Variants in SAR1A observed in about 807,000 individuals in gnomAD.
SAR1A encodes the protein secretion associated Ras related GTPase 1A, also known as small COPII coat GTPase SAR1A.
Under a neutral mutation model 22.6 loss-of-function variants are expected in SAR1A, and 6 were observed. The observed-to-expected ratio is 0.27, with a 90% CI of 0.15 to 0.52. SAR1A has a LOEUF of 0.52. Among genes scored for constraint, SAR1A ranks in the 20% least tolerant of loss-of-function variants. The pLI is 0.96. For synonymous variants in SAR1A, 70 were observed against 82.2 expected (o/e 0.85, Z 0.80); for missense variants, 145 against 245.1 (o/e 0.59, Z 2.73).
chr10:70,151,355 TAAAA>T lies in SAR1A; in HGVS notation c.*1117_*1120del, dbSNP rs1186474071. On this transcript the variant is annotated 3_prime_UTR_variant, in exon 7 of 7. Coordinates refer to ENST00000373241, the MANE Select transcript of SAR1A (RefSeq NM_020150.5). ...AATAGGTGTCAAAGGAGAAAAAATG[TAAAA>T]AAAAGAGCTCCCAAACAGCCTGAGA... is the stretch of plus-strand genomic sequence containing the variant. 1 of 135,490 alleles carries T rather than the reference TAAAA, an allele frequency of 7.4e-6. No individual in the cohort carries two copies. Among genetic ancestry groups the T allele is most frequent in the African/African-American group, 2.7e-5 (1 of 36,618 alleles). 8.4% of individuals were successfully genotyped at this position (135,490 alleles called of 1,614,324 possible). A position where few individuals can be genotyped will look rare whatever the true frequency, so the allele number is the denominator to read the frequency against.
chr10:70,152,350 C>T lies in SAR1A; in HGVS notation c.*126G>A, dbSNP rs1839336078. ...TGGGCAATGAGAGAGTTGACAGAGACTCTTGGCTTCTCAACGCCAGACATG... is the reference window on the plus strand; with the variant it reads ...TGGGCAATGAGAGAGTTGACAGAGATTCTTGGCTTCTCAACGCCAGACATG... On this transcript the variant is annotated 3_prime_UTR_variant, in exon 7 of 7. Coordinates refer to ENST00000373241, the MANE Select transcript of SAR1A (RefSeq NM_020150.5). 1 of 917,558 alleles carries T rather than the reference C, an allele frequency of 1.1e-6. No homozygotes were observed. Among genetic ancestry groups the T allele is most frequent in the Non-Finnish European group, 1.7e-6 (1 of 574,982 alleles). 56.8% of individuals were successfully genotyped at this position (917,558 alleles called of 1,614,324 possible).
intron 1 of SAR1A, chr10:70,163,018 G>A (rs1268151655): frequency 6.6e-6 from 1 of 152,160 alleles, no homozygotes. Flanking sequence ...TATTCTCCAA[G>A]TGAAAGTAAC....
rs1411266518 is a variant in SAR1A at position 70,151,162 on chromosome 10, A to G, written c.*1314T>C. On this transcript the variant is annotated 3_prime_UTR_variant, in exon 7 of 7. Coordinates refer to ENST00000373241, the MANE Select transcript of SAR1A (RefSeq NM_020150.5). ...CTTTTATACTGAGTCTTTACTGCCA[A>G]TAAGTGATGCTGCCTCCAAAGGAAC... 1 of 150,954 alleles carries G rather than the reference A, an allele frequency of 6.6e-6. No homozygotes were observed. Among genetic ancestry groups the G allele is most frequent in the Non-Finnish European group, 1.5e-5 (1 of 67,874 alleles). The allele number at this position is 150,954 out of a possible 1,614,324, so 9.4% of individuals were successfully genotyped here.
chr10:70,161,923 G>C lies in SAR1A; in HGVS notation c.-8C>G, dbSNP rs752090592. On this transcript the variant is annotated 5_prime_UTR_variant, in exon 2 of 7. Coordinates refer to ENST00000373241, the MANE Select transcript of SAR1A (RefSeq NM_020150.5). ...CTCAAAGATGAAAGACATTATTAATGCTTACTACCTGTATAAAATATGAAA... is the reference window on the plus strand; with the variant it reads ...CTCAAAGATGAAAGACATTATTAATCCTTACTACCTGTATAAAATATGAAA... The C allele has an allele frequency of 6.2e-7, 1 of 1,604,798 alleles. No individual in the cohort carries two copies. Among genetic ancestry groups the C allele is most frequent in the South Asian group, 1.1e-5 (1 of 90,790 alleles).
rs41315006 is a variant in SAR1A at position 70,161,728 on chromosome 10, C to T, written c.69G>A (p.Lys23=). The change falls in exon 3 of 7, where the codon AAG becomes AAA. Residue 23 remains lysine, a synonymous_variant. Coordinates refer to ENST00000373241, the MANE Select transcript of SAR1A (RefSeq NM_020150.5). ...CTAAGAATACAAGTTTTCCAGATTT[C>T]TTGTACAGTCCTAAAAGAGAAAAAA... is the stretch of plus-strand genomic sequence containing the variant. ...SSVLQFLGLY[K]KSGKLVFLGL... 2.8e-3 allele frequency: 4,477 copies of T among 1,613,904 alleles called. 10 individuals are homozygous for T. Among genetic ancestry groups the T allele is most frequent in the Middle Eastern group, 3.9e-3 (23 of 5,892 alleles).
intron 1 of SAR1A, among the ~76,000 whole-genome samples, chr10:70,162,390 AGGG>A: frequency 6.9e-6 from 1 of 144,986 alleles, no homozygotes; most frequent in Non-Finnish European, 1.5e-5. Context: ...GGAAAGGGAA[AGGG>A]AAAAGGAAAG....
At chr10:70,169,837 G>A (rs1839602499) in intron 1 of SAR1A, among the ~76,000 whole-genome samples, 1 of 152,198 alleles carries the variant, frequency 6.6e-6, no homozygotes. Flanking sequence ...ATGCACATAA[G>A]GAAATTTTTC....
chr10:70,163,570 AC>A (rs1176321665), intron 1 of SAR1A: 2 of 580,322 alleles, frequency 3.4e-6, no homozygotes, highest in Admixed American at 6.0e-5. Flanking sequence ...ATACTCATTT[AC>A]CATTTTGAAA....
intron 1 of SAR1A, chr10:70,162,926 G>A (rs943437942): frequency 6.6e-6 from 1 of 152,148 alleles, no homozygotes; most frequent in Non-Finnish European, 1.5e-5. Context: ...TAGTATAATT[G>A]TTTTGTTGTG....
intron 3 of SAR1A, 113 bp downstream of exon 3, chr10:70,161,506 G>A: frequency 2.3e-6 from 3 of 1,282,418 alleles, no homozygotes; most frequent in East Asian, 4.8e-5. Flanking sequence ...TCTCGTATGA[G>A]TTGGCTTTTG....
At chr10:70,161,285 C>T (rs766614340) in intron 3 of SAR1A, 1 of 548,196 alleles carries the variant, frequency 1.8e-6, no homozygotes, top group Non-Finnish European at 3.2e-6. Flanking sequence ...GGCAACGCCC[C>T]ACTCCCAACA....
chr10:70,152,674 A>G (rs747983348), intron 6 of SAR1A, 82 bp from the exon 7 acceptor site: 4 of 1,010,162 alleles, frequency 4.0e-6, no homozygotes, highest in Non-Finnish European at 6.3e-6. Flanking sequence ...CAATCATTTT[A>G]TCCATTCCTT....
chr10:70,155,853 C>A (rs889403734), intron 5 of SAR1A, among the ~76,000 whole-genome samples: 1 of 151,936 alleles, frequency 6.6e-6, no homozygotes, highest in African/African-American at 2.4e-5. Context: ...TCAAGGTAGG[C>A]AGTAAAAAGA....
rs190535489 is a variant in SAR1A at position 70,161,052 on chromosome 10, T to C, written c.196A>G (p.Ile66Val). Reference sequence around the variant, plus strand: ...AAAGTTGTAAAGGTCATTCCAGCAATTGTTAGCTCTTCTGATGCTGAAAAA... The same window carrying C: ...AAAGTTGTAAAGGTCATTCCAGCAACTGTTAGCTCTTCTGATGCTGAAAAA... ...TLHPTSEELT[I>V]AGMTFTTFDL... The change falls in exon 4 of 7, where the codon ATT becomes GTT. Residue 66 changes from isoleucine (I) to valine (V), a missense_variant. Physicochemically the swap from Ile to Val is conservative, Grantham distance 29. Around this residue, in one of 3 missense-constraint regions of SAR1A, gnomAD observed 40 missense variants for 105.7 expected, o/e 0.38. Coordinates refer to ENST00000373241, the MANE Select transcript of SAR1A (RefSeq NM_020150.5). The C allele has an allele frequency of 1.6e-5, 25 of 1,612,184 alleles. No homozygotes were observed. The East Asian group carries it at 2.5e-4, about 16-fold the overall frequency.
intron 1 of SAR1A, chr10:70,167,628 GA>G (rs1839570753): frequency 6.6e-6 from 1 of 150,726 alleles, no homozygotes; most frequent in East Asian, 1.9e-4. Flanking sequence ...AGAGTAAATT[GA>G]AAAGTAGAGC....
chr10:70,156,388 T>G (rs369742613), intron 5 of SAR1A, among the ~76,000 whole-genome samples: 1 of 152,086 alleles, frequency 6.6e-6, no homozygotes, highest in Non-Finnish European at 1.5e-5. Flanking sequence ...ATGGAGACCA[T>G]GCATGGTGGC....
rs1839337090 is a variant in SAR1A at position 70,152,444 on chromosome 10, A to C, written c.*32T>G. On this transcript the variant is annotated 3_prime_UTR_variant, in exon 7 of 7. Transcript: ENST00000373241. ...GCTGTGAATAGGATCAGTCCAGAGAAGTAAAACTCTTTTATTTTCACCGTC... is the reference window on the plus strand; with the variant it reads ...GCTGTGAATAGGATCAGTCCAGAGACGTAAAACTCTTTTATTTTCACCGTC... 6.8e-7 allele frequency: 1 copy of C among 1,474,364 alleles called. No homozygotes were observed. 91.3% of individuals were successfully genotyped at this position (1,474,364 alleles called of 1,614,324 possible).
intron 4 of SAR1A, 53 bp from the exon 5 acceptor site, chr10:70,157,920 G>C (rs1020685100): frequency 1.7e-6 from 2 of 1,202,928 alleles, no homozygotes. Context: ...TTGTGAAAAT[G>C]AATAACCTAA....
At chr10:70,164,246 A>G in intron 1 of SAR1A, 1 of 552,198 alleles carries the variant, frequency 1.8e-6, no homozygotes, top group Non-Finnish European at 3.3e-6. Flanking sequence ...CATGTATGGT[A>G]ATCAGGACTT....
Sources: allele counts gnomAD v4.1 joint callset (sites outside exome capture counted in the v4.1 genomes callset), GRCh38; gene constraint gnomAD v4.1.1; regional missense constraint gnomAD v4.1.1; transcripts MANE v1.5; gene names NCBI Gene and HGNC (gene_info 2026-07-23, HGNC 2026-07-21).